Variants in MESD observed in about 807,000 individuals in gnomAD.
The protein encoded by MESD is LRP chaperone MESD.
A neutral mutation model predicts 12.9 loss-of-function variants in MESD; 7 were observed. The observed-to-expected ratio is 0.54, with a 90% CI of 0.31 to 1.02. The LOEUF is 1.02. Ranked by LOEUF, MESD falls within the 50% of genes least tolerant of loss-of-function variation. The pLI is 0.05. For missense variants in MESD, 342 were observed against 296.7 expected (o/e 1.15, Z -1.12); for synonymous variants, 126 against 115.6 (o/e 1.09, Z -0.58).
chr15:80,947,051 G>T, downstream of MESD: 2 of 1,612,866 alleles, frequency 1.2e-6, no homozygotes, highest in South Asian at 1.1e-5. Context: ...GCAGACAGGG[G>T]TCTCAAGTTG....
intron 3 of MESD, among the ~76,000 whole-genome samples, chr15:80,965,603 C>T (rs1433264112): frequency 6.6e-6 from 1 of 152,168 alleles, no homozygotes; most frequent in Non-Finnish European, 1.5e-5. Flanking sequence ...CACATACACA[C>T]CATGGAATAC....
chr15:80,951,976 C>T (rs536004406), exon 4 of MESD: 15 of 323,074 alleles, frequency 4.6e-5, no homozygotes, highest in East Asian at 1.7e-4. Flanking sequence ...TGCCCCAAGG[C>T]GGGGTGTCCA....
At chr15:80,947,042 C>T (rs770505337), downstream of MESD, 14 of 1,613,410 alleles carry the variant, frequency 8.7e-6, no homozygotes, top group Non-Finnish European at 1.0e-5. Context: ...AAGCTTGGGG[C>T]AGACAGGGGT....
intron 1 of MESD, among the ~76,000 whole-genome samples, chr15:80,987,244 A>C (rs1902756565): frequency 6.6e-6 from 1 of 152,076 alleles, no homozygotes; most frequent in Middle Eastern, 3.2e-3. Flanking sequence ...GAGGGTATGG[A>C]TTTAGAGATG....
At chr15:80,959,971 C>T (rs891530012) in intron 3 of MESD, among the ~76,000 whole-genome samples, 1 of 152,194 alleles carries the variant, frequency 6.6e-6, no homozygotes, top group Non-Finnish European at 1.5e-5. Flanking sequence ...GGTTTCGCAA[C>T]CAGCTTGTAA....
intron 1 of MESD, among the ~76,000 whole-genome samples, chr15:80,988,988 A>G (rs993927150): frequency 6.6e-6 from 1 of 152,244 alleles, no homozygotes; most frequent in Non-Finnish European, 1.5e-5. Context: ...GAGTTTCACG[A>G]TACAGAGCCA....
At chr15:80,970,885 G>A (rs544614701), downstream of MESD, among the ~76,000 whole-genome samples, 34 of 152,312 alleles carry the variant, frequency 2.2e-4, no homozygotes, top group Non-Finnish European at 3.7e-4. Flanking sequence ...TGGTTAAACA[G>A]ACCTAACAGG....
exon 4 of MESD, chr15:80,952,115 T>C (rs1237820086): frequency 4.4e-6 from 2 of 451,232 alleles, no homozygotes; most frequent in Non-Finnish European, 8.9e-6. Context: ...CCCTCCCCGA[T>C]GGGGAAGCCA....
intron 3 of MESD, chr15:80,953,072 G>C (rs1901882110): frequency 4.4e-6 from 2 of 455,980 alleles, no homozygotes; most frequent in Non-Finnish European, 8.8e-6. Flanking sequence ...AGGGCCTTTT[G>C]TAAGAGGCAG....
intron 2 of MESD, among the ~76,000 whole-genome samples, chr15:80,980,765 G>A (rs1412319939): frequency 6.6e-6 from 1 of 151,592 alleles, no homozygotes; most frequent in Admixed American, 6.6e-5. Flanking sequence ...GTGAGACCTC[G>A]CCTCTTCAAA....
At chr15:80,950,266 C>T (rs1028077582) in intron 4 of MESD, 1 of 152,344 alleles carries the variant, frequency 6.6e-6, no homozygotes, top group African/African-American at 2.4e-5. Context: ...GGGAAAGAAC[C>T]ACACAGCTAA....
downstream of MESD, among the ~76,000 whole-genome samples, chr15:80,974,037 T>A (rs1015973616): frequency 1.3e-5 from 2 of 152,100 alleles, no homozygotes; most frequent in Admixed American, 1.3e-4. Flanking sequence ...GGCAATCATT[T>A]TTCCTTGTAA....
chr15:80,963,211 A>G (rs1221388545), intron 3 of MESD, among the ~76,000 whole-genome samples: 1 of 152,268 alleles, frequency 6.6e-6, no homozygotes, highest in Non-Finnish European at 1.5e-5. Flanking sequence ...CTCTATGCAA[A>G]TAAACTAGAA....
At position 80,955,616 on chromosome 15, in the gene MESD, C is replaced by CGTGTGTGT. The variant is rs536028552; in HGVS notation, c.*289-3328_*289-3321dup. ...AAAGTTTGAGAAGTGTGTGTTTGTGCGTGTGTGTGTGTGTGTGTGTGTGAG... is the reference window on the plus strand; with the variant it reads ...AAAGTTTGAGAAGTGTGTGTTTGTGCGTGTGTGTGTGTGTGTGTGTGTGTGTGTGTGAG... On this transcript the variant is annotated intron_variant, in intron 3 of 4. Coordinates refer to the MESD transcript ENST00000561312. Among the ~76,000 whole-genome samples the CGTGTGTGT allele has an allele frequency of 1.5e-4, 22 of 144,966 alleles. 1 individual carries two copies. Among genetic ancestry groups the CGTGTGTGT allele is most frequent in the African/African-American group, 2.9e-4 (11 of 38,534 alleles).
chr15:80,984,792 A>T (rs924155187), intron 1 of MESD, among the ~76,000 whole-genome samples: 1 of 152,268 alleles, frequency 6.6e-6, no homozygotes, highest in Admixed American at 6.5e-5. Flanking sequence ...AAACAAAAAA[A>T]AGCCCCTAAG....
chr15:80,960,709 A>G (rs553146390), intron 3 of MESD, among the ~76,000 whole-genome samples: 16 of 152,356 alleles, frequency 1.1e-4, no homozygotes, highest in Admixed American at 7.2e-4. Flanking sequence ...ACTCTAAACA[A>G]TATTGACAGG....
downstream of MESD, among the ~76,000 whole-genome samples, chr15:80,974,582 T>A (rs1197250457): frequency 6.9e-6 from 1 of 143,910 alleles, no homozygotes; most frequent in Non-Finnish European, 1.5e-5. Context: ...TTTAAAAATA[T>A]AAAATGTGTA....
At chr15:80,967,375 TG>T (rs1902195750) in intron 3 of MESD, among the ~76,000 whole-genome samples, 2 of 152,044 alleles carry the variant, frequency 1.3e-5, no homozygotes, top group Admixed American at 6.6e-5. Context: ...TCAGAGAATT[TG>T]TAAGGAAGCT....
intron 1 of MESD, 101 bp downstream of exon 1, chr15:80,989,478 G>T: frequency 7.4e-7 from 1 of 1,350,348 alleles, no homozygotes; most frequent in Non-Finnish European, 1.0e-6. Context: ...AGTAGAGGAG[G>T]TTAGGGGGTC....
Sources: allele counts gnomAD v4.1 joint callset (sites outside exome capture counted in the v4.1 genomes callset), GRCh38; gene constraint gnomAD v4.1.1; transcripts MANE v1.5; gene names NCBI Gene and HGNC (gene_info 2026-07-23, HGNC 2026-07-21).